KIF5B: variants seen among roughly 807,000 people sequenced by gnomAD.
KIF5B encodes the protein kinesin family member 5B.
Under a neutral mutation model 132.8 loss-of-function variants are expected in KIF5B, and 49 were observed. The ratio of observed to expected loss-of-function variants is 0.37; its 90% CI spans 0.29 to 0.47. The LOEUF (loss-of-function observed/expected upper bound fraction) is 0.47. Ranked by LOEUF, KIF5B falls within the 20% of genes least tolerant of loss-of-function variation. The pLI is 1.00. For missense variants in KIF5B, 780 were observed against 1,144.0 expected, an observed-to-expected ratio of 0.68 and a Z score of 4.59; for synonymous variants, 355 against 369.4, an observed-to-expected ratio of 0.96 and a Z score of 0.45.
intron 2 of KIF5B, among the ~76,000 whole-genome samples, chr10:32,047,603 A>C (rs147061450): frequency 7.6e-4 from 115 of 152,138 alleles, no homozygotes; most frequent in African/African-American, 2.7e-3. Flanking sequence ...AAATTGATAT[A>C]ATGAGTACAT....
At chr10:32,055,230 C>T (rs211297) in intron 1 of KIF5B, among the ~76,000 whole-genome samples, 13,763 of 151,540 alleles carry the variant, frequency 0.091, 750 homozygotes, top group Non-Finnish European at 0.12. Context: ...ATCGATTTGC[C>T]ATTTGTAGTT....
At chr10:32,049,531 G>C (rs1226459516) in intron 1 of KIF5B, among the ~76,000 whole-genome samples, 5 of 152,182 alleles carry the variant, frequency 3.3e-5, no homozygotes, top group Non-Finnish European at 5.9e-5. Flanking sequence ...GAACAGTGTA[G>C]CATTCAAGAA....
intron 12 of KIF5B, among the ~76,000 whole-genome samples, chr10:32,033,325 C>A (rs1841424254): frequency 6.6e-6 from 1 of 152,194 alleles, no homozygotes; most frequent in South Asian, 2.1e-4. Context: ...CTGTTAGGAA[C>A]CAAGAAGCAC....
At chr10:32,040,652 CACACA>C (rs1564469419) in intron 2 of KIF5B, among the ~76,000 whole-genome samples, 195 bp from the exon 3 acceptor site, 16 of 150,532 alleles carry the variant, frequency 1.1e-4, no homozygotes, top group African/African-American at 3.2e-4. Flanking sequence ...CACACACACA[CACACA>C]CCCTCTTCCT....
At chr10:32,021,813 A>G (rs573885253) in intron 17 of KIF5B, among the ~76,000 whole-genome samples, 9 of 152,262 alleles carry the variant, frequency 5.9e-5, no homozygotes, top group Admixed American at 5.2e-4. Flanking sequence ...TCTACAAAAA[A>G]GGTAAAAAAT....
At chr10:32,018,791 CT>C (rs965900363) in intron 20 of KIF5B, among the ~76,000 whole-genome samples, 9 of 151,922 alleles carry the variant, frequency 5.9e-5, no homozygotes, top group African/African-American at 2.2e-4. Flanking sequence ...CCTCAACCTC[CT>C]GGGCTCAAGT....
chr10:32,047,806 C>T (rs1841633383), intron 2 of KIF5B, among the ~76,000 whole-genome samples: 1 of 152,188 alleles, frequency 6.6e-6, no homozygotes, highest in African/African-American at 2.4e-5. Context: ...GTAACAACTA[C>T]AGCTGTCAAA....
chr10:32,030,385 G>A (rs1244538369), intron 14 of KIF5B, among the ~76,000 whole-genome samples: 5 of 151,972 alleles, frequency 3.3e-5, no homozygotes, highest in East Asian at 1.9e-4. Flanking sequence ...GCGTGGTGGC[G>A]GGCGCCTGTA....
intron 12 of KIF5B, 50 bp from the exon 13 acceptor site, chr10:32,032,824 G>A (rs760598101): frequency 7.2e-7 from 1 of 1,392,962 alleles, no homozygotes; most frequent in South Asian, 1.2e-5. Context: ...CCTGGTTCTA[G>A]TTGTTTCCCA....
intron 3 of KIF5B, among the ~76,000 whole-genome samples, chr10:32,040,103 T>C (rs554025816): frequency 2.0e-5 from 3 of 152,340 alleles, no homozygotes; most frequent in South Asian, 4.1e-4. Flanking sequence ...AAATTTCCCA[T>C]ATAACAGGGT....
chr10:32,040,961 C>T (rs143147136), intron 2 of KIF5B, among the ~76,000 whole-genome samples: 5 of 146,002 alleles, frequency 3.4e-5, no homozygotes, highest in Non-Finnish European at 7.4e-5. Context: ...GCACTCCAGT[C>T]TGGGTGACAG....
chr10:32,050,371 G>A (rs1388680036), intron 1 of KIF5B, among the ~76,000 whole-genome samples: 1 of 152,160 alleles, frequency 6.6e-6, no homozygotes, highest in Non-Finnish European at 1.5e-5. Flanking sequence ...AATATGAAGT[G>A]GCGGTCTGTT....
chr10:32,048,477 C>G lies in KIF5B; in HGVS notation c.201G>C (p.Lys67Asn). ...GAATATATTTACCTTTAACAATCTT[C>G]TTTGCACAGTCATTATACACTTGCT... ...SQEQVYNDCA[K>N]KIVKDVLEGY... is the part of the protein sequence containing the mutation. Residue 67 changes from lysine (K) to asparagine (N), a missense_variant, in exon 2 of 26, where the codon AAG (lysine) becomes AAC (asparagine). Around this residue, in one of 9 missense-constraint regions of KIF5B, gnomAD observed 15 missense variants for 48.5 expected, o/e 0.31. Transcript: ENST00000302418. The G allele has an allele frequency of 6.2e-7, 1 of 1,610,960 alleles. No homozygotes were observed. Among genetic ancestry groups the G allele is most frequent in the Non-Finnish European group, 8.5e-7 (1 of 1,177,846 alleles).
chr10:32,028,860 T>G (rs1333407752), intron 14 of KIF5B, among the ~76,000 whole-genome samples: 1 of 152,228 alleles, frequency 6.6e-6, no homozygotes, highest in Non-Finnish European at 1.5e-5. Flanking sequence ...TGTCTAAAAA[T>G]GGGAAGCCTC....
At chr10:32,029,157 A>C (rs763427095) in intron 14 of KIF5B, among the ~76,000 whole-genome samples, 5 of 152,216 alleles carry the variant, frequency 3.3e-5, no homozygotes, top group Non-Finnish European at 7.3e-5. Flanking sequence ...AAATTTTGAA[A>C]AGTCCAACCC....
At position 32,015,489 on chromosome 10, in the gene KIF5B, G is replaced by A; in HGVS notation, c.*20+20C>T. On this transcript the variant is annotated intron_variant, in intron 25 of 25. Transcript: ENST00000302418. Reference sequence around the variant, plus strand: ...AATTTTCCACAAACAGATATGAAAAGCCAGATATAAATAACAAACCTGTGG... The same window carrying A: ...AATTTTCCACAAACAGATATGAAAAACCAGATATAAATAACAAACCTGTGG... 1.3e-6 allele frequency: 2 copies of A among 1,497,924 alleles called. No individual in the cohort carries two copies. Among genetic ancestry groups the A allele is most frequent in the Non-Finnish European group, 1.8e-6 (2 of 1,118,416 alleles). 92.8% of individuals were successfully genotyped at this position (1,497,924 alleles called of 1,614,324 possible). A position where few individuals can be genotyped will look rare whatever the true frequency, so the allele number is the denominator to read the frequency against.
intron 8 of KIF5B, among the ~76,000 whole-genome samples, chr10:32,036,241 T>C (rs919691817): frequency 6.6e-6 from 1 of 152,142 alleles, no homozygotes; most frequent in Non-Finnish European, 1.5e-5. Flanking sequence ...TAAATGTAAA[T>C]TTGTAGTTCA....
rs779877024 is a variant in KIF5B at position 32,028,388 on chromosome 10, A to T, written c.1725+40T>A. ...TAGTAGTAAACAAAAGTGCCAGTGT[A>T]TACAGATAATTGTCCTTAATACTTA... On this transcript the variant is annotated intron_variant, in intron 15 of 25. Coordinates refer to ENST00000302418, the MANE Select transcript of KIF5B (RefSeq NM_004521.3). 4.6e-6 allele frequency: 7 copies of T among 1,524,104 alleles called. No homozygotes were observed. In the South Asian group the frequency reaches 8.0e-5, roughly 17 times the overall value. 94.4% of individuals were successfully genotyped at this position (1,524,104 alleles called of 1,614,324 possible).
At chr10:32,017,392 A>T in intron 23 of KIF5B, 33 bp from the exon 24 acceptor site, 2 of 1,509,564 alleles carry the variant, frequency 1.3e-6, no homozygotes, top group Non-Finnish European at 9.1e-7. Context: ...AGGATTCCAG[A>T]TTTAACAGGA....
Sources: allele counts gnomAD v4.1 joint callset (sites outside exome capture counted in the v4.1 genomes callset), GRCh38; gene constraint gnomAD v4.1.1; regional missense constraint gnomAD v4.1.1; transcripts MANE v1.5; gene names NCBI Gene and HGNC (gene_info 2026-07-23, HGNC 2026-07-21).